Variants in CRAT observed in about 807,000 individuals in gnomAD.
CRAT encodes carnitine O-acetyltransferase.
Under a neutral mutation model 73.7 loss-of-function variants are expected in CRAT, and 66 were observed. The observed-to-expected ratio is 0.90, with a 90% CI of 0.73 to 1.10. CRAT has a LOEUF of 1.10. CRAT is among the 50% of genes least tolerant of loss of function. The pLI, the probability that CRAT is intolerant of heterozygous loss-of-function variation, is 0.00. For missense variants in CRAT, 745 were observed against 846.9 expected (o/e 0.88, Z 1.49); for synonymous variants, 321 against 343.2 (o/e 0.94, Z 0.71).
At chr9:129,102,907 C>T (rs547036211) in intron 4 of CRAT, 106 bp downstream of exon 4, 3 of 1,082,062 alleles carry the variant, frequency 2.8e-6, no homozygotes, top group South Asian at 1.2e-5. Context: ...GGAGCAGGGC[C>T]CAGGGCCCAA....
chr9:129,105,140 C>T (rs1382924866), intron 2 of CRAT, among the ~76,000 whole-genome samples: 1 of 151,960 alleles, frequency 6.6e-6, no homozygotes, highest in Non-Finnish European at 1.5e-5. Context: ...CTCCTGACCT[C>T]GTGATCCTCC....
chr9:129,102,952 G>T, intron 4 of CRAT, 61 bp downstream of exon 4: 1 of 1,464,358 alleles, frequency 6.8e-7, no homozygotes, highest in Non-Finnish European at 9.6e-7. Context: ...GGTCAGAGGT[G>T]GCTGTGGTAA....
At chr9:129,101,300 G>C (rs944762279) in intron 6 of CRAT, among the ~76,000 whole-genome samples, 1 of 152,226 alleles carries the variant, frequency 6.6e-6, no homozygotes, top group African/African-American at 2.4e-5. Flanking sequence ...AAGGACTTGT[G>C]GGGTGCCTGT....
Position 129,110,568 on chromosome 9 carries a change from G to A in CRAT, c.-59C>T. ...CCGCCCCACACACCGGGCAAAGTCC[G>A]CGCCGCCGCCGCCGCGGCTGGGGTC... On this transcript the variant is annotated 5_prime_UTR_variant, in exon 1 of 14. Transcript: ENST00000318080. The surrounding 1 kb of genome is among the most constrained non-coding windows in gnomAD (Gnocchi z 5.3). The A allele has an allele frequency of 6.6e-7, 1 of 1,508,084 alleles. No individual in the cohort carries two copies. The highest frequency in any genetic ancestry group is 1.3e-5 in the South Asian group (1 of 79,966). 93.4% of individuals were successfully genotyped at this position (1,508,084 alleles called of 1,614,324 possible). A position where few individuals can be genotyped will look rare whatever the true frequency, so the allele number is the denominator to read the frequency against.
chr9:129,099,302 C>T (rs543497966), intron 8 of CRAT, among the ~76,000 whole-genome samples: 2 of 152,014 alleles, frequency 1.3e-5, no homozygotes, highest in Non-Finnish European at 2.9e-5. Flanking sequence ...GCCATCATGC[C>T]TGGCTAATTT....
chr9:129,110,301 G>A lies in CRAT; in HGVS notation c.27+182C>T, dbSNP rs1018555885. Among the ~76,000 whole-genome samples the A allele has an allele frequency of 1.3e-5, 2 of 152,194 alleles. No homozygotes were observed. The highest frequency in any genetic ancestry group is 6.5e-5 in the Admixed American group (1 of 15,278). Reference sequence around the variant, plus strand: ...TGCTCCAGGACGTGGGTTTAATCCCGCTTCTGACCTTGCGCCCCAATCTCC... The same window carrying A: ...TGCTCCAGGACGTGGGTTTAATCCCACTTCTGACCTTGCGCCCCAATCTCC... On this transcript the variant is annotated intron_variant, in intron 1 of 13. Transcript: ENST00000318080. The surrounding 1 kb of genome is among the most constrained non-coding windows in gnomAD (Gnocchi z 5.3).
At chr9:129,100,940 C>A (rs1847636670) in intron 6 of CRAT, among the ~76,000 whole-genome samples, 1 of 152,196 alleles carries the variant, frequency 6.6e-6, no homozygotes, top group Non-Finnish European at 1.5e-5. Context: ...ACCTGGCCCA[C>A]TTTAGACACA....
chr9:129,104,856 G>A (rs546143486), intron 2 of CRAT, among the ~76,000 whole-genome samples: 4 of 150,192 alleles, frequency 2.7e-5, no homozygotes, highest in Non-Finnish European at 5.9e-5. Context: ...CGCCCGCCTT[G>A]GCCTCCCAAA....
chr9:129,104,093 G>T, intron 3 of CRAT, 95 bp downstream of exon 3: 1 of 753,278 alleles, frequency 1.3e-6, no homozygotes, highest in Non-Finnish European at 2.2e-6. Context: ...TTGTGGGGCA[G>T]AAAGATAAAC....
chr9:129,105,044 G>A (rs1433219574), intron 2 of CRAT, among the ~76,000 whole-genome samples: 1 of 149,306 alleles, frequency 6.7e-6, no homozygotes, highest in Admixed American at 6.7e-5. Context: ...GGGACTACAG[G>A]CGCCCGCCAC....
chr9:129,095,382 C>T lies in CRAT; in HGVS notation c.*15G>A. On this transcript the variant is annotated 3_prime_UTR_variant, in exon 14 of 14. Transcript: ENST00000318080. ...GGGCTTGGCTGTGGCATTGGCAGGC[C>T]TGAGTCCTAGGGGCTCAGAGCTTGG... 1.2e-6 allele frequency: 2 copies of T among 1,607,234 alleles called. No homozygotes were observed. The highest frequency in any genetic ancestry group is 2.2e-5 in the East Asian group (1 of 44,866).
chr9:129,105,836 G>A (rs965845913), intron 2 of CRAT, among the ~76,000 whole-genome samples: 5 of 152,082 alleles, frequency 3.3e-5, no homozygotes, highest in Admixed American at 2.0e-4. Flanking sequence ...CTGCCCTGAC[G>A]GTCTGTCCTC....
At position 129,107,734 on chromosome 9, in the gene CRAT, G is replaced by T; in HGVS notation, c.291+80C>A. 1 of 1,603,070 alleles carries T rather than the reference G, an allele frequency of 6.2e-7. No individual in the cohort carries two copies. The stretch of plus-strand genomic sequence containing the variant: ...ACGAAACTCTGGGCAGCAAACGAAC[G>T]GCCGTGCCAGAGCAGTGGGCACTGG... On this transcript the variant is annotated intron_variant, in intron 2 of 13. Transcript: ENST00000318080. This position sits in a 1 kb window ranked among gnomAD's most constrained non-coding sequence, Gnocchi z 5.0.
intron 6 of CRAT, 76 bp from the exon 7 acceptor site, chr9:129,100,765 C>T (rs1588449206): frequency 1.3e-6 from 2 of 1,499,668 alleles, no homozygotes; most frequent in Non-Finnish European, 1.8e-6. Flanking sequence ...CCCTCCGCAG[C>T]CTCCTGCCCT....
intron 6 of CRAT, among the ~76,000 whole-genome samples, chr9:129,101,060 C>G (rs544521320): frequency 7.2e-5 from 11 of 152,254 alleles, no homozygotes; most frequent in Non-Finnish European, 1.5e-4. Flanking sequence ...CTTTGGAGGA[C>G]TGCTGGTACT....
rs1220483276 is a variant in CRAT, at chr9:129,107,612, C to T, written c.291+202G>A. 6 of 762,926 alleles carry T rather than the reference C, an allele frequency of 7.9e-6. No individual in the cohort carries two copies. The highest frequency in any genetic ancestry group is 1.4e-5 in the Non-Finnish European group (6 of 428,256). 47.3% of individuals were successfully genotyped at this position (762,926 alleles called of 1,614,324 possible). A position where few individuals can be genotyped will look rare whatever the true frequency, so the allele number is the denominator to read the frequency against. On this transcript the variant is annotated intron_variant, in intron 2 of 13. Transcript: ENST00000318080. The surrounding 1 kb of genome is among the most constrained non-coding windows in gnomAD (Gnocchi z 5.0). Reference sequence around the variant, plus strand: ...CCTGTATCCTGTTCATTACCTTTCTCTCCTCCCTACTTGAATGTTAGCTCC... The same window carrying T: ...CCTGTATCCTGTTCATTACCTTTCTTTCCTCCCTACTTGAATGTTAGCTCC...
At chr9:129,097,178 CGGACAGTCAGAG>C in intron 12 of CRAT, 60 bp downstream of exon 12, 6 of 1,349,234 alleles carry the variant, frequency 4.4e-6, no homozygotes, top group Non-Finnish European at 5.0e-6. Context: ...GCTGCAGGGA[CGGACAGTCAGAG>C]GGACAGACAG....
At position 129,110,558 on chromosome 9, in the gene CRAT, G is replaced by T; in HGVS notation, c.-49C>A. Reference sequence around the variant, plus strand: ...GCAGTCCGCTCCGCCCCACACACCGGGCAAAGTCCGCGCCGCCGCCGCCGC... The same window carrying T: ...GCAGTCCGCTCCGCCCCACACACCGTGCAAAGTCCGCGCCGCCGCCGCCGC... On this transcript the variant is annotated 5_prime_UTR_variant, in exon 1 of 14. Coordinates refer to ENST00000318080, the MANE Select transcript of CRAT (RefSeq NM_000755.5). This position sits in a 1 kb window ranked among gnomAD's most constrained non-coding sequence, Gnocchi z 5.3. 1 of 1,538,228 alleles carries T rather than the reference G, an allele frequency of 6.5e-7. No individual in the cohort carries two copies. Among genetic ancestry groups the T allele is most frequent in the Non-Finnish European group, 8.7e-7 (1 of 1,151,772 alleles).
intron 6 of CRAT, among the ~76,000 whole-genome samples, chr9:129,101,363 C>T (rs1208214485): frequency 6.6e-6 from 1 of 152,148 alleles, no homozygotes; most frequent in African/African-American, 2.4e-5. Context: ...CCAGAAGAGG[C>T]CACGGAGGAG....
Sources: gnomAD v4.1 joint callset for allele counts (sites outside exome capture counted in the v4.1 genomes callset) on GRCh38, gnomAD v4.1.1 for gene constraint, Gnocchi (gnomAD v3.1) non-coding constraint, MANE v1.5 for transcripts, NCBI Gene and HGNC (gene_info 2026-07-23, HGNC 2026-07-21) for gene names.